Variants in UNC45B observed in about 807,000 individuals in gnomAD.
UNC45B encodes the protein unc-45 myosin chaperone B.
UNC45B carries 78 observed loss-of-function variants against 98.7 expected under a neutral mutation model. The ratio of observed to expected loss-of-function variants is 0.79; its 90% CI spans 0.66 to 0.95. The LOEUF is 0.95. Among genes scored for constraint, UNC45B ranks in the 40% least tolerant of loss-of-function variants. The probability of loss-of-function intolerance (pLI) is 0.00; values close to 1 mark genes in which losing one functional copy is unlikely to be tolerated. For missense variants in UNC45B, 1,225 were observed against 1,184.9 expected (o/e 1.03, Z -0.50); for synonymous variants, 462 against 480.4 (o/e 0.96, Z 0.50).
chr17:35,188,624 C>G lies in UNC45B; in HGVS notation c.*2065C>G, dbSNP rs1044135478. On this transcript the variant is annotated 3_prime_UTR_variant, in exon 20 of 20. Transcript: ENST00000394570. ...CAATAGCTGGGACTACAGGCACACACCACCACCCCCAGGTAATTAAAAAAT... is the reference window on the plus strand; with the variant it reads ...CAATAGCTGGGACTACAGGCACACAGCACCACCCCCAGGTAATTAAAAAAT... 6.6e-6 allele frequency: 1 copy of G among 152,104 alleles called. No homozygotes were observed. The highest frequency in any genetic ancestry group is 2.4e-5 in the African/African-American group (1 of 41,400). The allele number at this position is 152,104 out of a possible 1,614,324, so 9.4% of individuals were successfully genotyped here. A position where few individuals can be genotyped will look rare whatever the true frequency, so the allele number is the denominator to read the frequency against.
chr17:35,169,883 G>A lies in UNC45B; in HGVS notation c.1499G>A (p.Arg500Lys). ...GSAGGTDYGL[R>K]QFAEGSTEKL... ...GCAGGTGGCACAGACTACGGTCTCAGGCAGTTTGCGGAAGGGTCGACAGAA... is the reference window on the plus strand; with the variant it reads ...GCAGGTGGCACAGACTACGGTCTCAAGCAGTTTGCGGAAGGGTCGACAGAA... Residue 500 changes from arginine (R) to lysine (K), a missense_variant, in exon 11 of 20, where the codon AGG (arginine) becomes AAG (lysine). Coordinates refer to ENST00000394570, the MANE Select transcript of UNC45B (RefSeq NM_001267052.2). 1.2e-6 allele frequency: 2 copies of A among 1,614,190 alleles called. No homozygotes were observed. The highest frequency in any genetic ancestry group is 8.5e-7 in the Non-Finnish European group (1 of 1,180,046).
intron 19 of UNC45B, among the ~76,000 whole-genome samples, chr17:35,184,603 T>C (rs550647438): frequency 6.6e-6 from 1 of 152,348 alleles, no homozygotes; most frequent in Admixed American, 6.5e-5. Flanking sequence ...CATTTAATTC[T>C]CCCAACCACC....
chr17:35,150,351 G>T (rs1001800000), intron 4 of UNC45B, 128 bp downstream of exon 4: 58 of 1,050,036 alleles, frequency 5.5e-5, no homozygotes, highest in Non-Finnish European at 7.3e-5. Context: ...GATAGAGACA[G>T]CAAGTGGCAT....
intron 8 of UNC45B, among the ~76,000 whole-genome samples, chr17:35,163,241 T>C (rs2092113993): frequency 6.6e-6 from 1 of 152,232 alleles, no homozygotes; most frequent in East Asian, 1.9e-4. Flanking sequence ...CACCTCATCT[T>C]CAGTGTTACC....
chr17:35,164,219 C>T, intron 9 of UNC45B, 53 bp downstream of exon 9: 1 of 1,523,902 alleles, frequency 6.6e-7, no homozygotes, highest in Non-Finnish European at 8.8e-7. Flanking sequence ...TTATCTATGG[C>T]TGTGTAACAA....
chr17:35,174,033 G>T (rs1204302267), intron 13 of UNC45B, among the ~76,000 whole-genome samples: 1 of 151,510 alleles, frequency 6.6e-6, no homozygotes, highest in East Asian at 1.9e-4. Context: ...GGATGGTCTT[G>T]ATCTCCTAAC....
chr17:35,175,125 A>AAAGG (rs569273245), intron 14 of UNC45B, among the ~76,000 whole-genome samples: 9 of 151,080 alleles, frequency 6.0e-5, no homozygotes, highest in Admixed American at 2.0e-4. Context: ...AAGGGAAAGG[A>AAAGG]AAGGAAGGAA....
chr17:35,158,528 C>T (rs978173240), intron 7 of UNC45B, among the ~76,000 whole-genome samples: 2 of 152,172 alleles, frequency 1.3e-5, no homozygotes, highest in African/African-American at 4.8e-5. Context: ...CCCAGGGAGA[C>T]ACCAATTCAC....
chr17:35,159,328 T>G (rs2092085424), intron 7 of UNC45B, 47 bp from the exon 8 acceptor site: 1,112 of 1,527,286 alleles, frequency 7.3e-4, no homozygotes, highest in Non-Finnish European at 9.0e-4. Flanking sequence ...CATATATATG[T>G]GAGATTTCCT....
intron 4 of UNC45B, 32 bp from the exon 5 acceptor site, chr17:35,152,861 G>T: frequency 6.4e-7 from 1 of 1,570,716 alleles, no homozygotes; most frequent in Non-Finnish European, 8.8e-7. Flanking sequence ...GACCCCACCT[G>T]CCTCCTTCCC....
At position 35,188,280 on chromosome 17, in the gene UNC45B, A is replaced by G. The variant is rs912458026; in HGVS notation, c.*1721A>G. ...TATACACAATAAATGGCATGATTTG[A>G]CCTCTGTCAAATTCTTCTTTCCTGC... On this transcript the variant is annotated 3_prime_UTR_variant, in exon 20 of 20. Coordinates refer to ENST00000394570, the MANE Select transcript of UNC45B (RefSeq NM_001267052.2). 5 of 152,084 alleles carry G rather than the reference A, an allele frequency of 3.3e-5. No homozygotes were observed. The East Asian group carries it at 5.8e-4, about 18-fold the overall frequency. 9.4% of individuals were successfully genotyped at this position (152,084 alleles called of 1,614,324 possible).
chr17:35,172,460 G>A (rs1179125737), intron 13 of UNC45B, among the ~76,000 whole-genome samples: 1 of 152,160 alleles, frequency 6.6e-6, no homozygotes, highest in East Asian at 1.9e-4. Flanking sequence ...TATTGGTCAG[G>A]CTGGTCTCAA....
intron 15 of UNC45B, 113 bp downstream of exon 15, chr17:35,176,147 T>C (rs2092232011): frequency 2.0e-6 from 2 of 1,011,170 alleles, no homozygotes; most frequent in Non-Finnish European, 1.5e-6. Flanking sequence ...CCACCAGTTA[T>C]CTGCGCTGTC....
At chr17:35,175,905 C>T (rs773764240) in intron 14 of UNC45B, 63 bp from the exon 15 acceptor site, 2 of 1,523,968 alleles carry the variant, frequency 1.3e-6, no homozygotes, top group Admixed American at 1.7e-5. Context: ...TGGCCTGCTG[C>T]TGCTGCTGCC....
At chr17:35,149,944 A>G (rs2092004331) in intron 3 of UNC45B, 104 bp from the exon 4 acceptor site, 9 of 1,229,686 alleles carry the variant, frequency 7.3e-6, no homozygotes, top group Non-Finnish European at 9.9e-6. Flanking sequence ...TCCAAGGAAG[A>G]CACAGAAACG....
At chr17:35,155,553 G>A (rs1187268149) in intron 7 of UNC45B, 89 bp downstream of exon 7, 1 of 1,391,494 alleles carries the variant, frequency 7.2e-7, no homozygotes, top group Non-Finnish European at 9.9e-7. Flanking sequence ...TGTATGTGGG[G>A]GTGGCTTGGT....
chr17:35,159,237 T>C, intron 7 of UNC45B, 138 bp from the exon 8 acceptor site: 1 of 878,512 alleles, frequency 1.1e-6, no homozygotes, highest in South Asian at 1.8e-5. Flanking sequence ...TGGGCAACAC[T>C]ATACTCCCCT....
At position 35,148,943 on chromosome 17, in the gene UNC45B, C is replaced by G. The variant is rs766918096; in HGVS notation, c.169-30C>G. 7 of 1,613,960 alleles carry G rather than the reference C, an allele frequency of 4.3e-6. No individual in the cohort carries two copies. In the South Asian group the frequency reaches 6.6e-5, roughly 15 times the overall value. On this transcript the variant is annotated intron_variant, in intron 2 of 19. Transcript: ENST00000394570. ...ATCTCTGCATTGGGCCCACATTAACCGAGTCTCCTTCTCCTTCCCCTTTCC... is the reference window on the plus strand; with the variant it reads ...ATCTCTGCATTGGGCCCACATTAACGGAGTCTCCTTCTCCTTCCCCTTTCC...
chr17:35,170,265 G>T lies in UNC45B; in HGVS notation c.1689+10G>T, dbSNP rs746493547. 16 of 1,597,272 alleles carry T rather than the reference G, an allele frequency of 1.0e-5. No homozygotes were observed. In the Middle Eastern group the frequency reaches 1.2e-3, roughly 123 times the overall value. On this transcript the variant is annotated intron_variant, in intron 12 of 19. Coordinates refer to ENST00000394570, the MANE Select transcript of UNC45B (RefSeq NM_001267052.2). ...GTTTGAGCTGGCCAAGGCAGGTGTC[G>T]GGGAGTCTGGCCCGACCACAAACCT...
Sources: gnomAD v4.1 joint callset for allele counts (sites outside exome capture counted in the v4.1 genomes callset) on GRCh38, gnomAD v4.1.1 for gene constraint, MANE v1.5 for transcripts, NCBI Gene and HGNC (gene_info 2026-07-23, HGNC 2026-07-21) for gene names.